Variants in SLC44A3 observed in about 807,000 individuals in gnomAD.
SLC44A3 encodes the protein solute carrier family 44 member 3.
A neutral mutation model predicts 75.4 loss-of-function variants in SLC44A3; 74 were observed. The observed-to-expected ratio is 0.98, with a 90% confidence interval of 0.81 to 1.19. The LOEUF (loss-of-function observed/expected upper bound fraction) is 1.19, where lower values mean the gene tolerates loss of function less well. Ranked by LOEUF, SLC44A3 falls within the 50% of genes most tolerant of loss-of-function variation. The pLI is 0.00. For missense variants in SLC44A3, 700 were observed against 778.6 expected (o/e 0.90, Z 1.20); for synonymous variants, 310 against 296.9 (o/e 1.04, Z -0.45).
intron 2 of SLC44A3, among the ~76,000 whole-genome samples, chr1:94,823,731 A>G (rs1660923659): frequency 1.3e-5 from 2 of 152,246 alleles, no homozygotes; most frequent in South Asian, 2.1e-4. Context: ...GAACTTGTCA[A>G]TATAGAGTAT....
intron 12 of SLC44A3, among the ~76,000 whole-genome samples, chr1:94,869,682 A>G (rs1336909368): frequency 6.6e-6 from 1 of 152,228 alleles, no homozygotes; most frequent in Admixed American, 6.5e-5. Flanking sequence ...AAGAATAAAG[A>G]TGATTGTAAA....
intron 12 of SLC44A3, among the ~76,000 whole-genome samples, chr1:94,885,011 C>T (rs1363142123): frequency 6.6e-6 from 1 of 151,958 alleles, no homozygotes; most frequent in Admixed American, 6.6e-5. Context: ...TTTGGGAGCC[C>T]GAGGCAGGCA....
At chr1:94,869,509 T>C (rs1667531839) in intron 12 of SLC44A3, among the ~76,000 whole-genome samples, 1 of 152,162 alleles carries the variant, frequency 6.6e-6, no homozygotes, top group Non-Finnish European at 1.5e-5. Flanking sequence ...TAGAACTGGG[T>C]GTTGCCAGCT....
intron 1 of SLC44A3, 107 bp downstream of exon 1, chr1:94,820,585 CG>C: frequency 1.4e-6 from 2 of 1,428,010 alleles, no homozygotes; most frequent in Admixed American, 2.4e-5. Context: ...TCCCGCGCCT[CG>C]GGGATCCCGC....
chr1:94,852,271 A>G (rs534107938), intron 9 of SLC44A3, among the ~76,000 whole-genome samples: 2 of 152,194 alleles, frequency 1.3e-5, no homozygotes, highest in Non-Finnish European at 2.9e-5. Context: ...AAAATTAAGC[A>G]GAAAGGACAA....
chr1:94,834,548 G>A (rs546475387), intron 5 of SLC44A3, among the ~76,000 whole-genome samples: 160 of 151,966 alleles, frequency 1.1e-3, no homozygotes, highest in Non-Finnish European at 1.6e-3. Flanking sequence ...GTAGTGGCAC[G>A]ATCTCAGCTC....
At chr1:94,853,252 T>C (rs1665436522) in intron 9 of SLC44A3, among the ~76,000 whole-genome samples, 1 of 152,154 alleles carries the variant, frequency 6.6e-6, no homozygotes, top group Non-Finnish European at 1.5e-5. Context: ...CGGTCCAGTG[T>C]GGCAAGTGCT....
At chr1:94,860,078 C>G (rs555902353) in intron 10 of SLC44A3, among the ~76,000 whole-genome samples, 1 of 152,208 alleles carries the variant, frequency 6.6e-6, no homozygotes, top group Admixed American at 6.5e-5. Flanking sequence ...ATGAATGCCT[C>G]TAAGTGAAAG....
chr1:94,824,576 CAAG>C lies in SLC44A3; in HGVS notation c.225_227del (p.Lys75del), dbSNP rs780899800. The C allele has an allele frequency of 3.1e-6, 5 of 1,612,210 alleles. No individual in the cohort carries two copies. Among genetic ancestry groups the C allele is most frequent in the Middle Eastern group, 1.7e-4 (1 of 6,058 alleles). ...ATGACAGCTTTGGCAACATGTGTGG[CAAG>C]AAGAACTCCCCCGTGGAAGGGGCCC... On this transcript the variant is annotated inframe_deletion, in exon 3 of 15. Transcript: ENST00000271227.
At chr1:94,882,213 A>G (rs1454477144) in intron 12 of SLC44A3, among the ~76,000 whole-genome samples, 1 of 152,166 alleles carries the variant, frequency 6.6e-6, no homozygotes, top group Non-Finnish European at 1.5e-5. Flanking sequence ...GCCCCAGAGG[A>G]TGAAGAGCAT....
chr1:94,871,705 C>T (rs2101527326), intron 12 of SLC44A3, among the ~76,000 whole-genome samples: 1 of 152,314 alleles, frequency 6.6e-6, no homozygotes, highest in African/African-American at 2.4e-5. Context: ...CTGATCTGAA[C>T]ATTCTAGAAA....
chr1:94,820,650 A>G (rs1660428982), intron 1 of SLC44A3, 172 bp downstream of exon 1: 3 of 1,379,584 alleles, frequency 2.2e-6, no homozygotes, highest in African/African-American at 1.5e-5. Context: ...ACCCTGCTCC[A>G]GTGCTGGGGC....
chr1:94,824,409 G>A (rs1187650353), intron 2 of SLC44A3, 84 bp from the exon 3 acceptor site: 42 of 1,463,960 alleles, frequency 2.9e-5, no homozygotes, highest in South Asian at 1.8e-4. Flanking sequence ...ACCAGGCTCC[G>A]TTTTATATCA....
intron 6 of SLC44A3, among the ~76,000 whole-genome samples, chr1:94,839,669 G>A (rs549103509): frequency 6.6e-6 from 1 of 152,262 alleles, no homozygotes; most frequent in East Asian, 1.9e-4. Context: ...GATTATAGGT[G>A]TGAGGCACCA....
intron 1 of SLC44A3, 170 bp downstream of exon 1, chr1:94,820,648 C>G (rs931828756): frequency 7.2e-6 from 10 of 1,384,392 alleles, no homozygotes; most frequent in Admixed American, 3.2e-5. Context: ...GGACCCTGCT[C>G]CAGTGCTGGG....
chr1:94,880,421 G>A (rs859083), intron 12 of SLC44A3, among the ~76,000 whole-genome samples: 150,635 of 152,298 alleles, frequency 0.99, 74,522 homozygotes, highest in East Asian at 1. Context: ...ACATTATGCT[G>A]AAGTATATAA....
In SLC44A3 at chr1:94,820,381, C is replaced by T. The variant is rs1660375755; in HGVS notation, c.-71C>T. ...CAGCCCCGGCCCCGGCCCCGGCTCGCGGGCGCTGCGTCTCCGCGTACAGGA... is the reference window on the plus strand; with the variant it reads ...CAGCCCCGGCCCCGGCCCCGGCTCGTGGGCGCTGCGTCTCCGCGTACAGGA... On this transcript the variant is annotated 5_prime_UTR_variant, in exon 1 of 15. Coordinates refer to ENST00000271227, the MANE Select transcript of SLC44A3 (RefSeq NM_001114106.3). 2.2e-6 allele frequency: 3 copies of T among 1,388,522 alleles called. No homozygotes were observed. Among genetic ancestry groups the T allele is most frequent in the Non-Finnish European group, 2.8e-6 (3 of 1,074,802 alleles). 86.0% of individuals were successfully genotyped at this position (1,388,522 alleles called of 1,614,324 possible).
intron 5 of SLC44A3, among the ~76,000 whole-genome samples, chr1:94,829,523 A>G (rs1030520696): frequency 2.0e-5 from 3 of 152,188 alleles, no homozygotes; most frequent in African/African-American, 7.2e-5. Flanking sequence ...TAGGCACCTT[A>G]CAAATATTTG....
intron 5 of SLC44A3, among the ~76,000 whole-genome samples, chr1:94,834,452 T>C (rs1243136728): frequency 6.6e-6 from 1 of 152,100 alleles, no homozygotes; most frequent in East Asian, 1.9e-4. Context: ...AATAAATAAT[T>C]GAATAAATAA....
Sources: allele counts gnomAD v4.1 joint callset (sites outside exome capture counted in the v4.1 genomes callset), GRCh38; gene constraint gnomAD v4.1.1; transcripts MANE v1.5; gene names NCBI Gene and HGNC (gene_info 2026-07-23, HGNC 2026-07-21).